The following LPCAT3 variants were observed in gnomAD, a reference collection of about 807,000 sequenced individuals.
LPCAT3 encodes lysophosphatidylcholine acyltransferase 3.
A neutral mutation model predicts 63.4 loss-of-function variants in LPCAT3; 21 were observed. The observed-to-expected ratio is 0.33, with a 90% CI of 0.23 to 0.48. LPCAT3 has a LOEUF of 0.48. Among genes scored for constraint, LPCAT3 ranks in the 20% least tolerant of loss-of-function variants. The pLI, the probability that LPCAT3 is intolerant of heterozygous loss-of-function variation, is 0.99. For missense variants in LPCAT3, 451 were observed against 590.6 expected (o/e 0.76, Z 2.45); for synonymous variants, 242 against 227.5 (o/e 1.06, Z -0.58).
intron 5 of LPCAT3, 142 bp downstream of exon 5, chr12:6,981,453 G>GTGCT: frequency 1.2e-6 from 1 of 868,954 alleles, no homozygotes; most frequent in Non-Finnish European, 1.9e-6. Context: ...TCCTTGCTCA[G>GTGCT]TGCTATCTGA....
chr12:6,989,314 T>G (rs890536364), intron 1 of LPCAT3, among the ~76,000 whole-genome samples: 7 of 90,174 alleles, frequency 7.8e-5, no homozygotes, highest in Non-Finnish European at 1.4e-4. Flanking sequence ...AAAATGCGTG[T>G]TTTTTTTTTT....
At chr12:6,979,276 C>T in intron 7 of LPCAT3, 195 bp downstream of exon 7, 1 of 592,862 alleles carries the variant, frequency 1.7e-6, no homozygotes. Flanking sequence ...CAGCCCTGTG[C>T]CCGCGAAGGT....
At position 6,977,612 on chromosome 12, in the gene LPCAT3, T is replaced by C; in HGVS notation, c.1174A>G (p.Ile392Val). Residue 392 changes from isoleucine to valine, a missense_variant, in exon 10 of 13, where the codon ATT (isoleucine) becomes GTT (valine). Ile to Val is a conservative substitution (Grantham distance 29). Around this residue, in one of 3 missense-constraint regions of LPCAT3, gnomAD observed 304 missense variants for 390.8 expected, o/e 0.78. Coordinates refer to ENST00000261407, the MANE Select transcript of LPCAT3 (RefSeq NM_005768.6). The surrounding 1 kb of genome is among the most constrained non-coding windows in gnomAD (Gnocchi z 4.5). ...VCFQMEFLIV[I>V]VERQAARLIQ... ...TGGAGGCCTACCTGTCTTTCCACAATAACAATGAGGAATTCCATCTGGAAG... is the reference window on the plus strand; with the variant it reads ...TGGAGGCCTACCTGTCTTTCCACAACAACAATGAGGAATTCCATCTGGAAG... 4 of 1,614,056 alleles carry C rather than the reference T, an allele frequency of 2.5e-6. No individual in the cohort carries two copies. Among genetic ancestry groups the C allele is most frequent in the Non-Finnish European group, 3.4e-6 (4 of 1,180,020 alleles).
chr12:6,995,127 T>C (rs1219129174), intron 1 of LPCAT3, among the ~76,000 whole-genome samples: 1 of 152,112 alleles, frequency 6.6e-6, no homozygotes, highest in Non-Finnish European at 1.5e-5. Flanking sequence ...TGGGCTTTTT[T>C]TTTTTTTTTA....
chr12:7,007,113 G>A (rs1555156900), intron 1 of LPCAT3, among the ~76,000 whole-genome samples: 1 of 151,766 alleles, frequency 6.6e-6, no homozygotes, highest in Non-Finnish European at 1.5e-5. Context: ...GCGCGATCTC[G>A]GCTCACTGCA....
At chr12:6,981,422 TG>T in intron 5 of LPCAT3, 172 bp downstream of exon 5, 1 of 757,784 alleles carries the variant, frequency 1.3e-6, no homozygotes, top group Non-Finnish European at 2.2e-6. Flanking sequence ...AGCTGGATCC[TG>T]GGCAAATTAG....
At chr12:7,003,704 T>C (rs922102675) in intron 1 of LPCAT3, among the ~76,000 whole-genome samples, 13 of 151,044 alleles carry the variant, frequency 8.6e-5, no homozygotes, top group African/African-American at 2.4e-4. Flanking sequence ...GGGTGGATCA[T>C]GAGGTCAGGA....
chr12:7,011,126 C>A lies in LPCAT3; in HGVS notation c.151+7148G>T, dbSNP rs1361299492. Among the ~76,000 whole-genome samples, 4 of 152,082 alleles carry A rather than the reference C, an allele frequency of 2.6e-5. No homozygotes were observed. The East Asian group carries it at 7.7e-4, about 29-fold the overall frequency. ...AACGTCCTGAGTTGAGCGGAGGACC[C>A]CGGGCTCCAGTGATCCTTCCACCTC... is the stretch of plus-strand genomic sequence containing the variant. On this transcript the variant is annotated intron_variant, in intron 1 of 12. Coordinates refer to ENST00000261407, the MANE Select transcript of LPCAT3 (RefSeq NM_005768.6).
rs782191705 is a variant in LPCAT3, at chr12:6,976,738, C to A, written c.*166G>T. On this transcript the variant is annotated 3_prime_UTR_variant, in exon 13 of 13. Coordinates refer to ENST00000261407, the MANE Select transcript of LPCAT3 (RefSeq NM_005768.6). ...ACGCCTTCTCCAAAAAAAAGTTTCC[C>A]CTTTGGCCCCAAATGAAGACTTGGC... is the stretch of plus-strand genomic sequence containing the variant. 139 of 161,572 alleles carry A rather than the reference C, an allele frequency of 8.6e-4. 4 individuals carry two copies. The South Asian group carries it at 0.024, about 28-fold the overall frequency. The allele number at this position is 161,572 out of a possible 1,614,324, so 10.0% of individuals were successfully genotyped here.
chr12:6,990,230 C>T (rs147621854), intron 1 of LPCAT3, among the ~76,000 whole-genome samples: 3,383 of 150,244 alleles, frequency 0.023, 114 homozygotes, highest in African/African-American at 0.073. Context: ...AAAATATAAG[C>T]GGGGCACGGT....
At position 7,018,200 on chromosome 12, in the gene LPCAT3, G is replaced by A; in HGVS notation, c.151+74C>T. On this transcript the variant is annotated intron_variant, in intron 1 of 12. Transcript: ENST00000261407. The surrounding 1 kb of genome is among the most constrained non-coding windows in gnomAD (Gnocchi z 4.9). ...TCCCGGGTGGCTCCGGGAAGAGAGG[G>A]AGGTCCTGTCCCCATTCCTCCCCTA... 6.5e-7 allele frequency: 1 copy of A among 1,532,374 alleles called. No individual in the cohort carries two copies. The highest frequency in any genetic ancestry group is 8.8e-7 in the Non-Finnish European group (1 of 1,130,570). The allele number at this position is 1,532,374 out of a possible 1,614,324, so 94.9% of individuals were successfully genotyped here.
At chr12:7,008,265 A>G (rs1396707983) in intron 1 of LPCAT3, among the ~76,000 whole-genome samples, 2 of 152,264 alleles carry the variant, frequency 1.3e-5, no homozygotes, top group South Asian at 2.1e-4. Context: ...AAAGGTCTCT[A>G]GGAAGCTACT....
chr12:7,014,468 C>T (rs75078506), intron 1 of LPCAT3, among the ~76,000 whole-genome samples: 3,157 of 152,314 alleles, frequency 0.021, 101 homozygotes, highest in African/African-American at 0.072. Flanking sequence ...CATCAAACTC[C>T]TTGCAAGCAT....
At chr12:6,995,750 T>C (rs1283120955) in intron 1 of LPCAT3, among the ~76,000 whole-genome samples, 2 of 152,128 alleles carry the variant, frequency 1.3e-5, no homozygotes, top group Non-Finnish European at 2.9e-5. Context: ...AAACCATCAA[T>C]AGCTCCCAGC....
intron 1 of LPCAT3, among the ~76,000 whole-genome samples, chr12:7,014,784 C>A (rs1161974460): frequency 3.3e-5 from 5 of 151,196 alleles, no homozygotes; most frequent in African/African-American, 1.2e-4. Flanking sequence ...GTCCTAGCTA[C>A]TCAGGAGGCT....
At chr12:6,999,781 G>T (rs1324462456) in intron 1 of LPCAT3, among the ~76,000 whole-genome samples, 4 of 152,114 alleles carry the variant, frequency 2.6e-5, no homozygotes, top group Admixed American at 6.6e-5. Context: ...TGTACTCAGG[G>T]AATTTTATCA....
At chr12:6,979,660 G>T in intron 6 of LPCAT3, 81 bp from the exon 7 acceptor site, 1 of 955,056 alleles carries the variant, frequency 1.0e-6, no homozygotes, top group South Asian at 1.4e-5. Context: ...TTATGGAGAG[G>T]AGTGTTTAGG....
rs913120566 is a variant in LPCAT3, at chr12:6,983,666, T to C, written c.152-127A>G. 1.2e-5 allele frequency: 8 copies of C among 645,862 alleles called. No individual in the cohort carries two copies. The African/African-American group carries it at 1.3e-4, about 11-fold the overall frequency. 40.0% of individuals were successfully genotyped at this position (645,862 alleles called of 1,614,324 possible). ...GAAAAAAAAAACAACATACATTATA[T>C]GGATGGCAACAGAGAAGGCAATAAC... On this transcript the variant is annotated intron_variant, in intron 1 of 12. Transcript: ENST00000261407.
intron 1 of LPCAT3, among the ~76,000 whole-genome samples, chr12:6,986,962 AAATT>A (rs1477195006): frequency 6.6e-6 from 1 of 151,916 alleles, no homozygotes; most frequent in African/African-American, 2.4e-5. Context: ...AAAAATACAA[AAATT>A]AGTTAGGCGT....
Sources: gnomAD v4.1 joint callset for allele counts (sites outside exome capture counted in the v4.1 genomes callset) on GRCh38, gnomAD v4.1.1 for gene constraint, gnomAD v4.1.1 regional missense constraint, Gnocchi (gnomAD v3.1) non-coding constraint, MANE v1.5 for transcripts, NCBI Gene and HGNC (gene_info 2026-07-23, HGNC 2026-07-21) for gene names.